The following MPP7 variants were observed in gnomAD, a reference collection of about 807,000 sequenced individuals.
MPP7 encodes MAGUK p55 scaffold protein 7.
In MPP7, 60 loss-of-function variants were observed where a neutral mutation model predicts 76.5. That is an observed-to-expected ratio of 0.78 (90% CI 0.64 to 0.97). MPP7 has a LOEUF of 0.97. MPP7 is among the 50% of genes least tolerant of loss of function. MPP7 has a pLI of 0.00. For missense variants in MPP7, 641 were observed against 694.0 expected, an observed-to-expected ratio of 0.92 and a Z score of 0.86; for synonymous variants, 237 against 244.5, an observed-to-expected ratio of 0.97 and a Z score of 0.29.
rs147330717 is a variant in MPP7, at chr10:28,123,988, G to T, written c.615+43C>A. On this transcript the variant is annotated intron_variant, in intron 8 of 16. Coordinates refer to ENST00000683449, the MANE Select transcript of MPP7 (RefSeq NM_001318170.2). ...CTAAAAGTCTGAAATACAGTGATTC[G>T]ATTTTATTTTTATTGTACCTTTAAA... 2.5e-3 allele frequency: 3,251 copies of T among 1,304,158 alleles called. 11 individuals carry two copies. The highest frequency in any genetic ancestry group is 6.0e-3 in the South Asian group (510 of 84,684). 80.8% of individuals were successfully genotyped at this position (1,304,158 alleles called of 1,614,324 possible).
chr10:28,310,652 A>G (rs11007004), intron 2 of MPP7, among the ~76,000 whole-genome samples: 13,575 of 152,274 alleles, frequency 0.089, 1,134 homozygotes, highest in East Asian at 0.42. Context: ...TTCAAATTAT[A>G]CAAGCACTGA....
intron 5 of MPP7, among the ~76,000 whole-genome samples, chr10:28,138,210 C>T (rs1290082956): frequency 1.3e-5 from 2 of 152,140 alleles, no homozygotes; most frequent in Admixed American, 6.5e-5. Flanking sequence ...AGTGAGCCCC[C>T]GGAATGATGA....
intron 1 of MPP7, among the ~76,000 whole-genome samples, chr10:28,244,941 G>A (rs1337666631): frequency 1.3e-5 from 2 of 152,092 alleles, no homozygotes; most frequent in Non-Finnish European, 2.9e-5. Context: ...AACAATGAGT[G>A]CACCATGACC....
At chr10:28,057,741 C>G in intron 15 of MPP7, 1 of 1,283,254 alleles carries the variant, frequency 7.8e-7, no homozygotes, top group South Asian at 1.2e-5. Flanking sequence ...CACTTTTACT[C>G]CAGATTCATC....
At chr10:28,192,025 G>A (rs1837427387) in intron 3 of MPP7, among the ~76,000 whole-genome samples, 1 of 151,958 alleles carries the variant, frequency 6.6e-6, no homozygotes, top group South Asian at 2.1e-4. Context: ...TTGAGAAGCT[G>A]AGGCACGAGA....
At chr10:28,271,306 G>C (rs1840320054) in intron 1 of MPP7, among the ~76,000 whole-genome samples, 1 of 152,132 alleles carries the variant, frequency 6.6e-6, no homozygotes. Context: ...TAAGTGCTGG[G>C]ACAACAGGAT....
At chr10:28,272,249 T>C (rs1840349679) in intron 1 of MPP7, among the ~76,000 whole-genome samples, 1 of 152,200 alleles carries the variant, frequency 6.6e-6, no homozygotes, top group African/African-American at 2.4e-5. Context: ...GATCAAAGTT[T>C]CTTCCTGTTA....
intron 3 of MPP7, among the ~76,000 whole-genome samples, chr10:28,187,407 A>G (rs1837272901): frequency 6.6e-6 from 1 of 152,212 alleles, no homozygotes; most frequent in Non-Finnish European, 1.5e-5. Context: ...GGCTTTTCCA[A>G]CAGAGCTGGC....
At chr10:28,077,291 G>T (rs1203187037) in intron 12 of MPP7, among the ~76,000 whole-genome samples, 1 of 152,120 alleles carries the variant, frequency 6.6e-6, no homozygotes, top group Non-Finnish European at 1.5e-5. Flanking sequence ...AGAGGCAAAT[G>T]ACTTTATTTG....
chr10:28,069,176 T>C (rs190609527), intron 13 of MPP7, among the ~76,000 whole-genome samples: 1 of 152,352 alleles, frequency 6.6e-6, no homozygotes, highest in Admixed American at 6.5e-5. Flanking sequence ...AGGGTCACTA[T>C]AGTCAATAAC....
chr10:28,197,253 G>A (rs3847382), intron 3 of MPP7, among the ~76,000 whole-genome samples: 47,988 of 148,136 alleles, frequency 0.32, 9,911 homozygotes, highest in African/African-American at 0.57. Context: ...CACGATCTCA[G>A]CTCACTGCAA....
At chr10:28,260,791 AAAAT>A (rs1839926448) in intron 1 of MPP7, among the ~76,000 whole-genome samples, 2 of 141,686 alleles carry the variant, frequency 1.4e-5, no homozygotes, top group African/African-American at 5.1e-5. Context: ...AAAAAAAAAA[AAAAT>A]TTTTTTTAAA....
At chr10:28,069,950 T>G in intron 12 of MPP7, 98 bp from the exon 13 acceptor site, 1 of 784,026 alleles carries the variant, frequency 1.3e-6, no homozygotes. Flanking sequence ...AAAACATGGA[T>G]CCAGCTTTGC....
At chr10:28,079,453 G>A (rs763672117) in intron 12 of MPP7, among the ~76,000 whole-genome samples, 5 of 151,708 alleles carry the variant, frequency 3.3e-5, no homozygotes, top group Non-Finnish European at 5.9e-5. Context: ...AGGAGTTTGA[G>A]TCCAGCCTGG....
intron 2 of MPP7, among the ~76,000 whole-genome samples, chr10:28,228,564 G>C (rs1331597067): frequency 1.3e-5 from 2 of 152,132 alleles, no homozygotes; most frequent in Admixed American, 6.5e-5. Context: ...TCAGGAGTTT[G>C]AGACTGGCCT....
chr10:28,289,126 C>T (rs990752048), intron 1 of MPP7: 22 of 152,236 alleles, frequency 1.4e-4, no homozygotes, highest in African/African-American at 5.3e-4. Flanking sequence ...ATGGTGAAAC[C>T]TCGTCTCTAC....
At chr10:28,058,873 C>T (rs944474495) in intron 14 of MPP7, among the ~76,000 whole-genome samples, 3 of 152,130 alleles carry the variant, frequency 2.0e-5, no homozygotes, top group African/African-American at 7.2e-5. Context: ...TCCATCACCC[C>T]CTTTTTCTTC....
chr10:28,305,295 C>T (rs3847386), upstream of MPP7: 37,790 of 151,928 alleles, frequency 0.25, 5,629 homozygotes, highest in East Asian at 0.5. Context: ...GTGAGGACCT[C>T]GTAGGCAATG....
intron 2 of MPP7, among the ~76,000 whole-genome samples, chr10:28,233,928 A>T (rs1490900638): frequency 6.6e-6 from 1 of 151,740 alleles, no homozygotes; most frequent in Non-Finnish European, 1.5e-5. Context: ...GAGGGAAAGA[A>T]GAGAGAAGAC....
Sources: allele counts gnomAD v4.1 joint callset (sites outside exome capture counted in the v4.1 genomes callset), GRCh38; gene constraint gnomAD v4.1.1; transcripts MANE v1.5; gene names NCBI Gene and HGNC (gene_info 2026-07-23, HGNC 2026-07-21).